Variants in PDE8B observed in about 807,000 individuals in gnomAD.
PDE8B encodes high affinity cAMP-specific and IBMX-insensitive 3',5'-cyclic phosphodiesterase 8B.
Under a neutral mutation model 101.3 loss-of-function variants are expected in PDE8B, and 26 were observed. That is an observed-to-expected ratio of 0.26 (90% CI 0.19 to 0.36). The LOEUF (loss-of-function observed/expected upper bound fraction) is 0.36, where lower values mean the gene tolerates loss of function less well. Among genes scored for constraint, PDE8B ranks in the 10% least tolerant of loss-of-function variants. PDE8B has a pLI of 1.00. For missense variants in PDE8B, 810 were observed against 1,163.1 expected, an observed-to-expected ratio of 0.70 and a Z score of 4.42; for synonymous variants, 424 against 429.3, an observed-to-expected ratio of 0.99 and a Z score of 0.15.
chr5:77,244,102 G>C (rs1756366120), intron 1 of PDE8B, among the ~76,000 whole-genome samples: 1 of 152,072 alleles, frequency 6.6e-6, no homozygotes, highest in African/African-American at 2.4e-5. Context: ...AGTCAGATTG[G>C]ATGACACAAG....
the PDE8B span, among the ~76,000 whole-genome samples, chr5:77,163,637 T>C: frequency 6.6e-6 from 1 of 152,234 alleles, no homozygotes; most frequent in Admixed American, 6.5e-5. Flanking sequence ...CCCCAGTTCT[T>C]TGGGTCTGGC....
chr5:77,319,829 A>G lies in PDE8B; in HGVS notation c.400-5710A>G, dbSNP rs981996862. On this transcript the variant is annotated intron_variant, in intron 2 of 21. Transcript: ENST00000264917. ...CTGATCCAAAGTTAGGAGTATGACAATTTGCCAAGGCATAGGAAAGATGCT... is the reference window on the plus strand; with the variant it reads ...CTGATCCAAAGTTAGGAGTATGACAGTTTGCCAAGGCATAGGAAAGATGCT... 3.9e-5 allele frequency among the ~76,000 whole-genome samples: 6 copies of G among 152,226 alleles called. No homozygotes were observed. In the East Asian group the frequency reaches 5.8e-4, roughly 15 times the overall value.
chr5:77,116,421 C>A, the PDE8B span, among the ~76,000 whole-genome samples: 1 of 151,658 alleles, frequency 6.6e-6, no homozygotes, highest in East Asian at 1.9e-4. Flanking sequence ...TACAGAAATA[C>A]AAAAGAGATG....
chr5:77,419,054 T>A (rs1158397910), intron 18 of PDE8B, among the ~76,000 whole-genome samples: 1 of 152,180 alleles, frequency 6.6e-6, no homozygotes, highest in Non-Finnish European at 1.5e-5. Context: ...TGCTGGTCTA[T>A]GTGAACCTAT....
chr5:77,260,582 A>ATTT lies in PDE8B; in HGVS notation c.339+49338_339+49340dup, dbSNP rs34008487. On this transcript the variant is annotated intron_variant, in intron 1 of 21. Transcript: ENST00000264917. ...TTACTGATAATTTTCACTGTGGCTC[A>ATTT]TTTTTTTTTTTTTTTTTTTTTTGGA... is the stretch of plus-strand genomic sequence containing the variant. Among the ~76,000 whole-genome samples the ATTT allele has an allele frequency of 2.6e-3, 298 of 114,922 alleles. 7 individuals carry two copies. The highest frequency in any genetic ancestry group is 7.2e-3 in the African/African-American group (209 of 29,218). The allele number at this position is 114,922 out of a possible 152,430, so 75.4% of individuals were successfully genotyped here. A position where few individuals can be genotyped will look rare whatever the true frequency, so the allele number is the denominator to read the frequency against.
chr5:77,345,623 A>C (rs748753519), intron 7 of PDE8B, among the ~76,000 whole-genome samples: 1 of 152,258 alleles, frequency 6.6e-6, no homozygotes, highest in Non-Finnish European at 1.5e-5. Context: ...GCATTCTTAC[A>C]TGAATGTCAT....
chr5:77,199,589 C>T, the PDE8B span, among the ~76,000 whole-genome samples: 8 of 152,132 alleles, frequency 5.3e-5, no homozygotes, highest in Non-Finnish European at 1.0e-4. Context: ...AAATGCAGTA[C>T]ATGTAGCATT....
intron 10 of PDE8B, among the ~76,000 whole-genome samples, chr5:77,380,665 G>A (rs936390052): frequency 3.9e-5 from 6 of 152,102 alleles, no homozygotes; most frequent in Admixed American, 2.6e-4. Context: ...GCTTTTATAC[G>A]CCAGGTACTG....
At chr5:77,329,850 C>T (rs1282931712) in intron 4 of PDE8B, among the ~76,000 whole-genome samples, 1 of 152,030 alleles carries the variant, frequency 6.6e-6, no homozygotes, top group African/African-American at 2.4e-5. Context: ...GCGACAAAGG[C>T]CAGGAAAGTC....
chr5:77,312,822 A>G (rs2150130263), intron 2 of PDE8B, among the ~76,000 whole-genome samples: 1 of 100,762 alleles, frequency 9.9e-6, no homozygotes, highest in East Asian at 2.3e-4. Context: ...GCTCCCCTAC[A>G]TCTTCTATGT....
In PDE8B at chr5:77,378,009, TACACACACACACAC is replaced by T. The variant is rs3031820; in HGVS notation, c.1168-22212_1168-22199del. Among the ~76,000 whole-genome samples the T allele has an allele frequency of 1.9e-4, 25 of 134,484 alleles. No individual in the cohort carries two copies. The South Asian group carries it at 3.1e-3, about 17-fold the overall frequency. 88.2% of individuals were successfully genotyped at this position (134,484 alleles called of 152,430 possible). On this transcript the variant is annotated intron_variant, in intron 10 of 21. Coordinates refer to ENST00000264917, the MANE Select transcript of PDE8B (RefSeq NM_003719.5). ...CTTGCTCGCTCTCTCCCTCTCTCTC[TACACACACACACAC>T]ACACACACACACACACACACACACA...
chr5:77,151,921 A>T, the PDE8B span: 1 of 152,184 alleles, frequency 6.6e-6, no homozygotes, highest in Non-Finnish European at 1.5e-5. Context: ...AGATCTGGTA[A>T]AACTGGGCTT....
the PDE8B span, chr5:77,144,737 G>T: frequency 6.6e-6 from 1 of 152,036 alleles, no homozygotes; most frequent in African/African-American, 2.4e-5. Flanking sequence ...CAGCAGCGTT[G>T]CAAGGCCGCC....
intron 1 of PDE8B, among the ~76,000 whole-genome samples, chr5:77,242,758 A>G (rs1447178459): frequency 6.6e-6 from 1 of 152,058 alleles, no homozygotes; most frequent in African/African-American, 2.4e-5. Context: ...TGAAAGCTCC[A>G]TCTCCCGGGT....
At chr5:77,353,984 T>A (rs1298383746) in intron 10 of PDE8B, among the ~76,000 whole-genome samples, 1 of 152,248 alleles carries the variant, frequency 6.6e-6, no homozygotes, top group African/African-American at 2.4e-5. Flanking sequence ...TATGTGTATT[T>A]TCACTTCATG....
chr5:77,385,230 G>C (rs1169534224), intron 10 of PDE8B, among the ~76,000 whole-genome samples: 1 of 151,978 alleles, frequency 6.6e-6, no homozygotes, highest in East Asian at 1.9e-4. Context: ...GAATTTATCT[G>C]TTTCTTCTAG....
the PDE8B span, chr5:77,114,768 A>C: frequency 6.6e-6 from 1 of 152,262 alleles, no homozygotes; most frequent in Admixed American, 6.5e-5. Flanking sequence ...TGCCAGTTAT[A>C]TTTTGATGAC....
intron 10 of PDE8B, among the ~76,000 whole-genome samples, chr5:77,361,993 G>T (rs973676363): frequency 3.3e-5 from 5 of 152,176 alleles, no homozygotes; most frequent in Admixed American, 3.3e-4. Flanking sequence ...CCTTATATTT[G>T]AATATTGTTT....
At chr5:77,380,571 AATT>A (rs1354514523) in intron 10 of PDE8B, among the ~76,000 whole-genome samples, 7 of 152,228 alleles carry the variant, frequency 4.6e-5, no homozygotes, top group Admixed American at 2.6e-4. Flanking sequence ...ATAATGGCCA[AATT>A]ATTAATAACA....
Sources: allele counts gnomAD v4.1 joint callset (sites outside exome capture counted in the v4.1 genomes callset), GRCh38; gene constraint gnomAD v4.1.1; transcripts MANE v1.5; gene names NCBI Gene and HGNC (gene_info 2026-07-23, HGNC 2026-07-21).